The following PRH1 variants were observed in gnomAD, a reference collection of about 807,000 sequenced individuals.
PRH1 encodes proline rich protein HaeIII subfamily 1.
A neutral mutation model predicts 7.9 loss-of-function variants in PRH1; 7 were observed. The observed-to-expected ratio is 0.89, with a 90% CI of 0.50 to 1.67. PRH1 has a LOEUF of 1.67. PRH1 is among the 40% of genes most tolerant of loss of function. PRH1 has a pLI of 0.00. For synonymous variants in PRH1, 45 were observed against 80.8 expected (o/e 0.56, Z 2.38); for missense variants, 109 against 223.6 (o/e 0.49, Z 3.27).
intron 1 of PRH1, among the ~76,000 whole-genome samples, chr12:11,108,428 AC>A (rs1174551959): frequency 6.6e-6 from 1 of 152,190 alleles, no homozygotes; most frequent in Non-Finnish European, 1.5e-5. Flanking sequence ...CAAGATCAAC[AC>A]AAAAGGTGGG....
chr12:10,984,048 T>C (rs1939488500), intron 1 of PRH1, among the ~76,000 whole-genome samples: 2 of 151,334 alleles, frequency 1.3e-5, no homozygotes, highest in South Asian at 2.1e-4. Flanking sequence ...AAATATTCTA[T>C]AAAAGTCACG....
At chr12:10,906,024 T>A (rs956747985) in intron 2 of PRH1, among the ~76,000 whole-genome samples, 1 of 151,944 alleles carries the variant, frequency 6.6e-6, no homozygotes, top group South Asian at 2.1e-4. Flanking sequence ...TACAAGAGAG[T>A]TCAGAGAAAT....
chr12:11,111,616 C>T (rs1387441925), intron 1 of PRH1, among the ~76,000 whole-genome samples: 2 of 152,062 alleles, frequency 1.3e-5, no homozygotes, highest in Admixed American at 6.6e-5. Context: ...AGAACAAAGA[C>T]AAAATGTACC....
intron 2 of PRH1, among the ~76,000 whole-genome samples, chr12:10,954,470 T>C (rs1937852800): frequency 6.6e-6 from 1 of 150,914 alleles, no homozygotes; most frequent in Non-Finnish European, 1.5e-5. Flanking sequence ...CTTCTTTTTG[T>C]TTGTTTGTTT....
In PRH1 at chr12:11,092,554, C is replaced by T. The variant is rs1431349300; in HGVS notation, n.124-45366G>A. Among the ~76,000 whole-genome samples, 2 of 112,368 alleles carry T rather than the reference C, an allele frequency of 1.8e-5. 1 individual carries two copies. Among genetic ancestry groups the T allele is most frequent in the African/African-American group, 5.9e-5 (2 of 33,888 alleles). 73.7% of individuals were successfully genotyped at this position (112,368 alleles called of 152,430 possible). A position where few individuals can be genotyped will look rare whatever the true frequency, so the allele number is the denominator to read the frequency against. Reference sequence around the variant, plus strand: ...CAGAGTGCCCTTTTATCAATCCTCCCTCCGACTGGCTACTTTTAGGATCCT... The same window carrying T: ...CAGAGTGCCCTTTTATCAATCCTCCTTCCGACTGGCTACTTTTAGGATCCT... On this transcript the variant is annotated intron_variant and non_coding_transcript_variant, in intron 1 of 4. Transcript: ENST00000541977.
chr12:10,996,098 T>C (rs1039270558), intron 1 of PRH1, among the ~76,000 whole-genome samples: 1 of 151,726 alleles, frequency 6.6e-6, no homozygotes, highest in Non-Finnish European at 1.5e-5. Context: ...AGTGGATCAC[T>C]TGAGGTCAAG....
chr12:11,045,276 T>C (rs1942862222), intron 1 of PRH1, among the ~76,000 whole-genome samples: 1 of 145,046 alleles, frequency 6.9e-6, no homozygotes, highest in African/African-American at 2.6e-5. Flanking sequence ...CTGGGAAAGG[T>C]AGTGGAGGCT....
Position 11,009,212 on chromosome 12 carries a change from C to T in PRH1, c.-125-35491G>A, listed in dbSNP as rs138840044. Among the ~76,000 whole-genome samples, 5 of 151,956 alleles carry T rather than the reference C, an allele frequency of 3.3e-5. No homozygotes were observed. The East Asian group carries it at 9.7e-4, about 29-fold the overall frequency. On this transcript the variant is annotated intron_variant, in intron 1 of 3. Transcript: ENST00000539853. Reference sequence around the variant, plus strand: ...AAGTCTACTGTTCCTTGGAAACACACTGAAGATATGATTCCATTGAATTCC... The same window carrying T: ...AAGTCTACTGTTCCTTGGAAACACATTGAAGATATGATTCCATTGAATTCC...
chr12:11,120,491 C>G (rs1303368224), downstream of PRH1, among the ~76,000 whole-genome samples: 1 of 152,142 alleles, frequency 6.6e-6, no homozygotes, highest in African/African-American at 2.4e-5. Context: ...AACCCAGTAA[C>G]TCTACAGCTT....
intron 1 of PRH1, chr12:11,022,479 A>G (rs374453824): frequency 4.6e-5 from 74 of 1,613,708 alleles, no homozygotes; most frequent in Non-Finnish European, 6.2e-5. Flanking sequence ...AGTCAATGAC[A>G]TTTACTAGGG....
At chr12:11,084,657 A>G (rs951121973) in intron 1 of PRH1, among the ~76,000 whole-genome samples, 1 of 149,842 alleles carries the variant, frequency 6.7e-6, no homozygotes, top group Non-Finnish European at 1.5e-5. Context: ...TAAACCTAAC[A>G]TTTTATAAGC....
intron 1 of PRH1, among the ~76,000 whole-genome samples, chr12:11,122,008 AACAT>A: frequency 9.8e-6 from 1 of 101,898 alleles, no homozygotes; most frequent in East Asian, 3.1e-4. Flanking sequence ...TCATATAATA[AACAT>A]ACATATATAT....
intron 1 of PRH1, among the ~76,000 whole-genome samples, chr12:11,073,970 T>G (rs2136216051): frequency 6.7e-6 from 1 of 149,208 alleles, no homozygotes; most frequent in Non-Finnish European, 1.5e-5. Context: ...TGCGTGCAAC[T>G]ACACAAGGCA....
In PRH1 at chr12:10,967,506, C is replaced by T. The variant is rs1938567073; in HGVS notation, c.-59+6149G>A. 3.9e-5 allele frequency among the ~76,000 whole-genome samples: 6 copies of T among 152,230 alleles called. No homozygotes were observed. The South Asian group carries it at 1.0e-3, about 26-fold the overall frequency. On this transcript the variant is annotated intron_variant, in intron 2 of 3. Coordinates refer to the PRH1 transcript ENST00000539853. ...TTTCAAGCCCCTAAATGTTTCTTCA[C>T]ATCTGGTAACAATTTTCTACTTTTC...
chr12:10,946,048 C>A (rs774407911), intron 2 of PRH1, among the ~76,000 whole-genome samples: 2 of 152,126 alleles, frequency 1.3e-5, no homozygotes, highest in Non-Finnish European at 1.5e-5. Flanking sequence ...AACACACAGG[C>A]TCTACAATTT....
intron 1 of PRH1, among the ~76,000 whole-genome samples, chr12:11,131,676 C>T (rs1946347001): frequency 1.1e-5 from 1 of 90,650 alleles, no homozygotes; most frequent in African/African-American, 3.1e-5. Flanking sequence ...AATTCAGACA[C>T]CTGATACAGC....
intron 1 of PRH1, chr12:10,997,192 C>A (rs760279498): frequency 1.2e-6 from 2 of 1,614,030 alleles, no homozygotes; most frequent in South Asian, 2.2e-5. Context: ...TCACAGTTTG[C>A]AGAGCTTTTA....
intron 2 of PRH1, among the ~76,000 whole-genome samples, chr12:10,939,524 G>A (rs1950357590): frequency 6.7e-6 from 1 of 149,878 alleles, no homozygotes; most frequent in Non-Finnish European, 1.5e-5. Context: ...TGCAAATAAG[G>A]ACATATTTAT....
At chr12:10,987,574 C>T (rs1377904894) in intron 1 of PRH1, among the ~76,000 whole-genome samples, 1 of 151,876 alleles carries the variant, frequency 6.6e-6, no homozygotes, top group East Asian at 1.9e-4. Flanking sequence ...GAGACTGTGA[C>T]ACCCCTAAGA....
Sources: gnomAD v4.1 joint callset for allele counts (sites outside exome capture counted in the v4.1 genomes callset) on GRCh38, gnomAD v4.1.1 for gene constraint, MANE v1.5 for transcripts, NCBI Gene and HGNC (gene_info 2026-07-23, HGNC 2026-07-21) for gene names.